The following PCDHGA8 variants were observed in gnomAD, a reference collection of about 807,000 sequenced individuals.
The protein encoded by PCDHGA8 is protocadherin gamma subfamily A, 8.
In PCDHGA8, 45 loss-of-function variants were observed where a neutral mutation model predicts 59.2. That is an observed-to-expected ratio of 0.76 (90% CI 0.60 to 0.98). The LOEUF is 0.98. Ranked by LOEUF, PCDHGA8 falls within the 50% of genes least tolerant of loss-of-function variation. The pLI, the probability that PCDHGA8 is intolerant of heterozygous loss-of-function variation, is 0.00. For missense variants in PCDHGA8, 1,257 were observed against 1,196.2 expected, an observed-to-expected ratio of 1.05 and a Z score of -0.75; for synonymous variants, 531 against 519.0, an observed-to-expected ratio of 1.02 and a Z score of -0.32.
chr5:141,501,345 A>G (rs2099808580), intron 2 of PCDHGA8, among the ~76,000 whole-genome samples: 2 of 150,582 alleles, frequency 1.3e-5, no homozygotes, highest in East Asian at 1.9e-4. Context: ...CCCAAACTCA[A>G]TAGGGCAAGA....
rs1388423635 is a variant in PCDHGA8, at chr5:141,393,777, G to A, written c.964G>A (p.Glu322Lys). The change falls in exon 1 of 4, where the codon GAA becomes AAA. Residue 322 changes from glutamate to lysine, a missense_variant. Coordinates refer to ENST00000398604, the MANE Select transcript of PCDHGA8 (RefSeq NM_032088.2). The part of the protein sequence containing the change: ...CSFYEMEIQA[E>K]DVGALLGRTK... ...ATTTTATGAAATGGAAATACAAGCC[G>A]AAGATGTGGGGGCACTTCTGGGGAG... The A allele has an allele frequency of 1.2e-6, 2 of 1,613,916 alleles. No homozygotes were observed. The highest frequency in any genetic ancestry group is 2.2e-5 in the East Asian group (1 of 44,882).
chr5:141,396,626 A>G (rs1273835228), intron 1 of PCDHGA8: 1 of 152,182 alleles, frequency 6.6e-6, no homozygotes, highest in African/African-American at 2.4e-5. Flanking sequence ...TCTCAAAAAA[A>G]AAAAAAACTA....
intron 3 of PCDHGA8, among the ~76,000 whole-genome samples, chr5:141,509,022 C>G (rs2099873807): frequency 6.6e-6 from 1 of 152,206 alleles, no homozygotes; most frequent in East Asian, 1.9e-4. Context: ...CAGCTGCTCC[C>G]TCCCACTCAA....
chr5:141,426,691 G>A, intron 1 of PCDHGA8: 1 of 435,886 alleles, frequency 2.3e-6, no homozygotes, highest in South Asian at 1.6e-5. Context: ...CCCCAAAATA[G>A]CATTGTTTTA....
chr5:141,400,091 C>T, intron 1 of PCDHGA8: 4 of 1,614,072 alleles, frequency 2.5e-6, no homozygotes, highest in South Asian at 1.1e-5. Context: ...GCCACCGCCA[C>T]GCTGCACTTG....
chr5:141,510,853 CTGT>C, intron 3 of PCDHGA8, 91 bp from the exon 4 acceptor site: 3 of 1,601,238 alleles, frequency 1.9e-6, no homozygotes, highest in Middle Eastern at 1.7e-4. Context: ...GCCCAGGGTG[CTGT>C]ATAGGCATTC....
chr5:141,482,016 C>T (rs2099550411), intron 1 of PCDHGA8, among the ~76,000 whole-genome samples: 1 of 148,596 alleles, frequency 6.7e-6, no homozygotes, highest in African/African-American at 2.5e-5. Context: ...TCTCAGGAAG[C>T]AGAGGTTGCA....
chr5:141,395,070 T>G lies in PCDHGA8; in HGVS notation c.2257T>G (p.Tyr753Asp). Reference sequence around the variant, plus strand: ...GGAGGTACAGGCTTTCCTGCAGACCTATTCCCAGGAAGTCTCCCTCACCGC... The same window carrying G: ...GGAGGTACAGGCTTTCCTGCAGACCGATTCCCAGGAAGTCTCCCTCACCGC... The part of the protein sequence containing the change: ...VEEVQAFLQT[Y>D]SQEVSLTADS... Residue 753 changes from tyrosine (Y) to aspartate (D), a missense_variant, in exon 1 of 4, where the codon TAT (tyrosine) becomes GAT (aspartate). Physicochemically the swap from Tyr to Asp is radical, Grantham distance 160. Transcript: ENST00000398604. 1 of 1,614,158 alleles carries G rather than the reference T, an allele frequency of 6.2e-7. No homozygotes were observed. The highest frequency in any genetic ancestry group is 1.3e-5 in the African/African-American group (1 of 75,046).
intron 1 of PCDHGA8, chr5:141,398,411 T>C (rs1346480691): frequency 6.8e-7 from 1 of 1,478,640 alleles, no homozygotes; most frequent in South Asian, 1.1e-5. Context: ...AGGGAGGAGA[T>C]ATGCGGGAAG....
chr5:141,392,744 CG>C lies in PCDHGA8; in HGVS notation c.-68del, dbSNP rs2092583694. The C allele has an allele frequency of 6.9e-7, 1 of 1,439,038 alleles. No individual in the cohort carries two copies. Among genetic ancestry groups the C allele is most frequent in the East Asian group, 2.5e-5 (1 of 39,708 alleles). The allele number at this position is 1,439,038 out of a possible 1,614,324, so 89.1% of individuals were successfully genotyped here. A position where few individuals can be genotyped will look rare whatever the true frequency, so the allele number is the denominator to read the frequency against. On this transcript the variant is annotated 5_prime_UTR_variant, in exon 1 of 4. Transcript: ENST00000398604. Reference sequence around the variant, plus strand: ...CGGAGGATTGTCATCTCCATAGCTGCGGCAAGAAACTAAATAAGACCCATTT... The same window carrying C: ...CGGAGGATTGTCATCTCCATAGCTGCGCAAGAAACTAAATAAGACCCATTT...
Position 141,489,830 on chromosome 5 carries a change from A to C in PCDHGA8, c.2425-4977A>C. On this transcript the variant is annotated intron_variant, in intron 1 of 3. Transcript: ENST00000398604. The surrounding 1 kb of genome is among the most constrained non-coding windows in gnomAD (Gnocchi z 4.5). ...AAGCCATTCCCAGAGCTGGTGCTAG[A>C]GCAGCAGCTGGATCGTGAAGCCCAG... 1 of 1,614,200 alleles carries C rather than the reference A, an allele frequency of 6.2e-7. No homozygotes were observed. Among genetic ancestry groups the C allele is most frequent in the Non-Finnish European group, 8.5e-7 (1 of 1,180,010 alleles).
intron 3 of PCDHGA8, among the ~76,000 whole-genome samples, chr5:141,505,698 G>A (rs1041309644): frequency 2.0e-5 from 3 of 152,280 alleles, no homozygotes; most frequent in Admixed American, 6.5e-5. Context: ...GGAGGAGAGC[G>A]AACAAGGAAA....
chr5:141,494,756 A>G (rs780402065), intron 1 of PCDHGA8, 51 bp from the exon 2 acceptor site: 2 of 1,613,460 alleles, frequency 1.2e-6, no homozygotes, highest in South Asian at 1.1e-5. Context: ...CTCGGGTGAC[A>G]TTCTAACTTC....
Position 141,489,585 on chromosome 5 carries a change from G to C in PCDHGA8, c.2425-5222G>C. The C allele has an allele frequency of 6.2e-7, 1 of 1,614,090 alleles. No individual in the cohort carries two copies. On this transcript the variant is annotated intron_variant, in intron 1 of 3. Transcript: ENST00000398604. This position sits in a 1 kb window ranked among gnomAD's most constrained non-coding sequence, Gnocchi z 4.5. ...AGGTGGTGACTGAACACCCCCTGGA[G>C]CTAATCCGTGTAGAGGTAGAGATCC...
chr5:141,441,364 CGT>C (rs1283671958), intron 1 of PCDHGA8: 1 of 152,528 alleles, frequency 6.6e-6, no homozygotes, highest in African/African-American at 2.4e-5. Context: ...CAAATGGGGC[CGT>C]GGACCAGGAA....
chr5:141,408,144 G>T (rs868032463), intron 1 of PCDHGA8: 1 of 1,496,068 alleles, frequency 6.7e-7, no homozygotes, highest in South Asian at 1.3e-5. Context: ...CTTTTAGCGC[G>T]GTAGAGTGCA....
intron 1 of PCDHGA8, among the ~76,000 whole-genome samples, chr5:141,447,321 G>C (rs148203274): frequency 3.9e-5 from 6 of 152,068 alleles, no homozygotes; most frequent in Admixed American, 6.5e-5. Flanking sequence ...TGTATTTTTA[G>C]TAGAGACGGG....
chr5:141,433,849 A>C (rs116534867), intron 1 of PCDHGA8, among the ~76,000 whole-genome samples: 2,948 of 152,020 alleles, frequency 0.019, 43 homozygotes, highest in African/African-American at 0.028. Context: ...AAAAAAAAAA[A>C]AAAAAACTTT....
In PCDHGA8 at chr5:141,477,681, T is replaced by G; in HGVS notation, c.2425-17126T>G. On this transcript the variant is annotated intron_variant, in intron 1 of 3. Transcript: ENST00000398604. This position sits in a 1 kb window ranked among gnomAD's most constrained non-coding sequence, Gnocchi z 4.9. ...CGTGACAATGGCATAGTGTCATCCT[T>G]AGTGCCCCTAGACTATGAGGATCGG... 1 of 1,614,180 alleles carries G rather than the reference T, an allele frequency of 6.2e-7. No individual in the cohort carries two copies. Among genetic ancestry groups the G allele is most frequent in the Non-Finnish European group, 8.5e-7 (1 of 1,180,046 alleles).
Sources: allele counts gnomAD v4.1 joint callset (sites outside exome capture counted in the v4.1 genomes callset), GRCh38; gene constraint gnomAD v4.1.1; non-coding constraint Gnocchi (gnomAD v3.1); transcripts MANE v1.5; gene names NCBI Gene and HGNC (gene_info 2026-07-23, HGNC 2026-07-21).